LARP1B: variants seen among roughly 807,000 people sequenced by gnomAD.
LARP1B encodes the protein la-related protein 1B.
A neutral mutation model predicts 114.2 loss-of-function variants in LARP1B; 76 were observed. That is an observed-to-expected ratio of 0.67 (90% confidence interval 0.55 to 0.81). LARP1B has a LOEUF of 0.81. Among genes scored for constraint, LARP1B ranks in the 30% least tolerant of loss-of-function variants. The probability of loss-of-function intolerance (pLI) is 0.00; values close to 1 mark genes in which losing one functional copy is unlikely to be tolerated. For synonymous variants in LARP1B, 345 were observed against 348.0 expected (o/e 0.99, Z 0.10); for missense variants, 1,014 against 1,075.8 (o/e 0.94, Z 0.80).
intron 10 of LARP1B, among the ~76,000 whole-genome samples, chr4:128,115,700 G>C (rs1039027518): frequency 6.6e-6 from 1 of 152,230 alleles, no homozygotes; most frequent in African/African-American, 2.4e-5. Flanking sequence ...TGTCGCCCAG[G>C]CTGGGGTGCT....
Position 128,211,646 on chromosome 4 carries a change from A to C in LARP1B, c.*1593A>C. The stretch of plus-strand genomic sequence containing the variant: ...AAGTCTTTTCTTAAATGGGGTATGT[A>C]GTTCCAGCTTTTCAGTGAGAAATTT... On this transcript the variant is annotated 3_prime_UTR_variant, in exon 20 of 20. Transcript: ENST00000326639. 1 of 984,084 alleles carries C rather than the reference A, an allele frequency of 1.0e-6. No individual in the cohort carries two copies. The highest frequency in any genetic ancestry group is 4.7e-5 in the South Asian group (1 of 21,256). The allele number at this position is 984,084 out of a possible 1,614,324, so 61.0% of individuals were successfully genotyped here.
At chr4:128,165,056 A>G (rs1293555591) in intron 12 of LARP1B, among the ~76,000 whole-genome samples, 1 of 152,134 alleles carries the variant, frequency 6.6e-6, no homozygotes, top group Non-Finnish European at 1.5e-5. Flanking sequence ...TATTACATAA[A>G]GTATAAAATT....
chr4:128,115,179 G>A (rs987097860), intron 10 of LARP1B, among the ~76,000 whole-genome samples: 6 of 151,994 alleles, frequency 3.9e-5, no homozygotes, highest in South Asian at 2.1e-4. Flanking sequence ...CTCATGATCC[G>A]CCCGCCTCGT....
intron 11 of LARP1B, among the ~76,000 whole-genome samples, chr4:128,140,824 G>GTT (rs773635049): frequency 7.2e-6 from 1 of 138,604 alleles, no homozygotes; most frequent in Non-Finnish European, 1.6e-5. Flanking sequence ...AATTGTCTCT[G>GTT]TTTTTTTTTT....
chr4:128,066,183 T>TC (rs1762767221), intron 1 of LARP1B, among the ~76,000 whole-genome samples: 1 of 143,864 alleles, frequency 7.0e-6, no homozygotes, highest in South Asian at 2.3e-4. Flanking sequence ...TTTTTTTTTT[T>TC]TTTGTTATAT....
intron 11 of LARP1B, among the ~76,000 whole-genome samples, chr4:128,147,553 T>C (rs1008262425): frequency 6.6e-6 from 1 of 152,208 alleles, no homozygotes; most frequent in African/African-American, 2.4e-5. Context: ...TATGGGGTGC[T>C]CTAAGTGGGT....
At chr4:128,133,615 TTG>T (rs1403929354) in intron 11 of LARP1B, among the ~76,000 whole-genome samples, 2 of 152,220 alleles carry the variant, frequency 1.3e-5, no homozygotes, top group African/African-American at 4.8e-5. Flanking sequence ...AATCAAAACC[TTG>T]TGGTACTGTC....
intron 9 of LARP1B, among the ~76,000 whole-genome samples, chr4:128,110,672 G>A (rs1341028356): frequency 8.9e-3 from 5 of 560 alleles, no homozygotes; most frequent in Admixed American, 0.02. Context: ...GCGAGACTCC[G>A]TCTCAAAAAA....
At chr4:128,143,088 C>T (rs1728765768) in intron 11 of LARP1B, among the ~76,000 whole-genome samples, 1 of 151,916 alleles carries the variant, frequency 6.6e-6, no homozygotes, top group East Asian at 2.0e-4. Flanking sequence ...AGATTGAGAC[C>T]ATCCTGGCCA....
chr4:128,173,799 A>T (rs1053609487), intron 12 of LARP1B, among the ~76,000 whole-genome samples: 3 of 152,114 alleles, frequency 2.0e-5, no homozygotes, highest in Non-Finnish European at 4.4e-5. Flanking sequence ...TACTGCTCTA[A>T]CCCTTTTTAA....
intron 8 of LARP1B, among the ~76,000 whole-genome samples, chr4:128,105,479 G>A (rs1781761973): frequency 6.6e-6 from 1 of 152,136 alleles, no homozygotes; most frequent in Non-Finnish European, 1.5e-5. Flanking sequence ...AAAATACACT[G>A]ATTTTACTCA....
At chr4:128,172,200 G>A (rs905952364) in intron 12 of LARP1B, among the ~76,000 whole-genome samples, 7 of 150,322 alleles carry the variant, frequency 4.7e-5, no homozygotes, top group Non-Finnish European at 7.4e-5. Context: ...TTCTGTTTTC[G>A]GTTCAATTTC....
At chr4:128,181,218 C>CT (rs1748263782) in intron 15 of LARP1B, among the ~76,000 whole-genome samples, 1 of 143,998 alleles carries the variant, frequency 6.9e-6, no homozygotes, top group Admixed American at 7.2e-5. Flanking sequence ...GAGTCTCACT[C>CT]TGTCTCCCAT....
chr4:128,099,763 A>G (rs1237021386), intron 8 of LARP1B, among the ~76,000 whole-genome samples: 1 of 151,932 alleles, frequency 6.6e-6, no homozygotes, highest in East Asian at 1.9e-4. Context: ...ATAAATATCT[A>G]GTATTGTGAT....
At chr4:128,069,326 A>C in intron 1 of LARP1B, 1 of 793,588 alleles carries the variant, frequency 1.3e-6, no homozygotes, top group Admixed American at 1.7e-5. Flanking sequence ...GCCGCTTTGC[A>C]ATGGACTGAA....
chr4:128,190,261 A>G (rs2150780039), intron 15 of LARP1B, among the ~76,000 whole-genome samples: 1 of 152,082 alleles, frequency 6.6e-6, no homozygotes, highest in East Asian at 1.9e-4. Context: ...TGTGTCACTT[A>G]ACTCCCTCAT....
intron 15 of LARP1B, among the ~76,000 whole-genome samples, chr4:128,182,438 A>G (rs1368162014): frequency 6.6e-6 from 1 of 152,030 alleles, no homozygotes; most frequent in East Asian, 1.9e-4. Context: ...GTGATCTGTG[A>G]TTAGTGATCT....
rs756433630 is a variant in LARP1B at position 128,065,319 on chromosome 4, C to CTTTCTT, written c.-78+3919_-78+3920insTTCTTT. Among the ~76,000 whole-genome samples the CTTTCTT allele has an allele frequency of 8.1e-3, 483 of 59,506 alleles. 1 individual carries two copies. Among genetic ancestry groups the CTTTCTT allele is most frequent in the South Asian group, 9.6e-3 (12 of 1,254 alleles). The allele number at this position is 59,506 out of a possible 152,430, so 39.0% of individuals were successfully genotyped here. On this transcript the variant is annotated intron_variant, in intron 1 of 19. Transcript: ENST00000326639. Reference sequence around the variant, plus strand: ...TTTCTTTCTTTCTTTCTTTCTTTCTCTCTCTCTCTCTCTTTCCTTTCTTTT... The same window carrying CTTTCTT: ...TTTCTTTCTTTCTTTCTTTCTTTCTCTTTCTTTCTCTCTCTCTCTTTCCTTTCTTTT...
At chr4:128,128,092 T>G (rs1015047663) in intron 11 of LARP1B, among the ~76,000 whole-genome samples, 1 of 152,142 alleles carries the variant, frequency 6.6e-6, no homozygotes, top group African/African-American at 2.4e-5. Context: ...AAGAAGGAAG[T>G]TGGGTCCCTC....
Sources: gnomAD v4.1 joint callset for allele counts (sites outside exome capture counted in the v4.1 genomes callset) on GRCh38, gnomAD v4.1.1 for gene constraint, MANE v1.5 for transcripts, NCBI Gene and HGNC (gene_info 2026-07-23, HGNC 2026-07-21) for gene names.